Variants in ROBO2 observed in about 807,000 individuals in gnomAD.
ROBO2 encodes the protein roundabout guidance receptor 2, also known as roundabout homolog 2.
A neutral mutation model predicts 160.8 loss-of-function variants in ROBO2; 53 were observed. That is an observed-to-expected ratio of 0.33 (90% confidence interval 0.26 to 0.41). The LOEUF (loss-of-function observed/expected upper bound fraction) is 0.41. Among genes scored for constraint, ROBO2 ranks in the 10% least tolerant of loss-of-function variants. ROBO2 has a pLI of 1.00. For missense variants in ROBO2, 1,577 were observed against 1,722.4 expected (o/e 0.92, Z 1.49); for synonymous variants, 664 against 611.7 (o/e 1.09, Z -1.26).
At chr3:77,443,396 C>A (rs2080147241) in intron 2 of ROBO2, among the ~76,000 whole-genome samples, 16 of 151,838 alleles carry the variant, frequency 1.1e-4, no homozygotes. Flanking sequence ...GTGGCAACAT[C>A]ATTTACATAT....
At chr3:76,599,829 T>G (rs1490580216) in intron 2 of ROBO2, among the ~76,000 whole-genome samples, 1 of 152,234 alleles carries the variant, frequency 6.6e-6, no homozygotes, top group African/African-American at 2.4e-5. Flanking sequence ...CATATGCTTT[T>G]GGCCACATGT....
At chr3:77,586,969 C>G (rs1157981643) in intron 16 of ROBO2, among the ~76,000 whole-genome samples, 1 of 151,514 alleles carries the variant, frequency 6.6e-6, no homozygotes, top group Non-Finnish European at 1.5e-5. Context: ...ATACAAAAGA[C>G]CTTTCAGGAA....
chr3:76,789,640 C>T (rs1043067791), intron 2 of ROBO2, among the ~76,000 whole-genome samples: 1 of 151,578 alleles, frequency 6.6e-6, no homozygotes, highest in Non-Finnish European at 1.5e-5. Context: ...AGAAGCTGCC[C>T]AAGTTCATAA....
chr3:77,474,202 T>C (rs1398473787), intron 2 of ROBO2, among the ~76,000 whole-genome samples: 1 of 152,158 alleles, frequency 6.6e-6, no homozygotes, highest in African/African-American at 2.4e-5. Context: ...GGTTATTGAA[T>C]CCGCCTAAAA....
At chr3:77,512,441 G>A (rs945325743) in intron 5 of ROBO2, among the ~76,000 whole-genome samples, 1 of 151,930 alleles carries the variant, frequency 6.6e-6, no homozygotes, top group African/African-American at 2.4e-5. Context: ...ATAAATTTGT[G>A]AGTTACTAAA....
At chr3:77,515,109 C>T (rs1277924736) in intron 5 of ROBO2, among the ~76,000 whole-genome samples, 1 of 151,680 alleles carries the variant, frequency 6.6e-6, no homozygotes, top group African/African-American at 2.4e-5. Context: ...TAAAAATAGT[C>T]TTTATATTTC....
chr3:76,674,285 T>C (rs2106739539), intron 2 of ROBO2, among the ~76,000 whole-genome samples: 1 of 152,200 alleles, frequency 6.6e-6, no homozygotes, highest in African/African-American at 2.4e-5. Flanking sequence ...TATTTTGCCT[T>C]TCTTAAAATT....
intron 2 of ROBO2, among the ~76,000 whole-genome samples, chr3:76,848,513 C>G (rs907199105): frequency 1.3e-5 from 2 of 152,190 alleles, no homozygotes; most frequent in African/African-American, 4.8e-5. Context: ...CTGGATCTCT[C>G]TCTGTCAATT....
intron 2 of ROBO2, among the ~76,000 whole-genome samples, chr3:76,367,982 CATT>C (rs1355298211): frequency 6.6e-6 from 1 of 151,696 alleles, no homozygotes; most frequent in African/African-American, 2.4e-5. Flanking sequence ...ATGTTCTAAT[CATT>C]ATTCATTTTC....
intron 2 of ROBO2, among the ~76,000 whole-genome samples, chr3:77,103,626 T>C (rs1207968462): frequency 6.6e-6 from 1 of 152,198 alleles, no homozygotes; most frequent in Non-Finnish European, 1.5e-5. Context: ...TTTCTTTTTC[T>C]CTTATTTTTT....
intron 2 of ROBO2, among the ~76,000 whole-genome samples, chr3:76,629,568 T>C (rs2089897500): frequency 6.6e-6 from 1 of 152,178 alleles, no homozygotes. Context: ...GCTTTTATTC[T>C]GGCCATGCTG....
intron 2 of ROBO2, among the ~76,000 whole-genome samples, chr3:76,370,204 A>G (rs2076036641): frequency 6.6e-6 from 1 of 151,832 alleles, no homozygotes; most frequent in Non-Finnish European, 1.5e-5. Context: ...GAAACTTTGC[A>G]TTCCCTGGGG....
chr3:77,381,603 G>A (rs1045628955), intron 2 of ROBO2, among the ~76,000 whole-genome samples: 5 of 152,070 alleles, frequency 3.3e-5, no homozygotes, highest in African/African-American at 1.2e-4. Flanking sequence ...CAGTTCCCTT[G>A]AGGCATATAT....
chr3:77,370,527 C>T (rs909754514), intron 2 of ROBO2, among the ~76,000 whole-genome samples: 1 of 152,092 alleles, frequency 6.6e-6, no homozygotes, highest in African/African-American at 2.4e-5. Context: ...GGCAGCAGGT[C>T]GAGTGTATTG....
chr3:76,531,915 C>T (rs1470775367), intron 2 of ROBO2, among the ~76,000 whole-genome samples: 4 of 152,104 alleles, frequency 2.6e-5, no homozygotes, highest in African/African-American at 9.7e-5. Flanking sequence ...TCATAATACC[C>T]ACTTTTTAGA....
At chr3:76,633,764 AGAT>A (rs1387528324) in intron 2 of ROBO2, among the ~76,000 whole-genome samples, 1 of 152,226 alleles carries the variant, frequency 6.6e-6, no homozygotes, top group Non-Finnish European at 1.5e-5. Flanking sequence ...CCCACTTTAT[AGAT>A]GAGGAATTAA....
intron 2 of ROBO2, among the ~76,000 whole-genome samples, chr3:77,011,826 T>A (rs1342816718): frequency 6.6e-6 from 1 of 152,108 alleles, no homozygotes; most frequent in Non-Finnish European, 1.5e-5. Flanking sequence ...GACCTTTATT[T>A]TGAAATTTTA....
chr3:76,414,017 A>C (rs2075629684), intron 2 of ROBO2, among the ~76,000 whole-genome samples: 1 of 152,274 alleles, frequency 6.6e-6, no homozygotes, highest in Admixed American at 6.5e-5. Flanking sequence ...GGCACTTCTT[A>C]CCTGGTGGCA....
At chr3:77,049,963 A>G (rs564896198) in intron 1 of ROBO2, among the ~76,000 whole-genome samples, 1 of 152,346 alleles carries the variant, frequency 6.6e-6, no homozygotes, top group Middle Eastern at 3.4e-3. Context: ...GTTAAGAGTT[A>G]TTCATTATAA....
Sources: gnomAD v4.1 joint callset for allele counts (sites outside exome capture counted in the v4.1 genomes callset) on GRCh38, gnomAD v4.1.1 for gene constraint, MANE v1.5 for transcripts, NCBI Gene and HGNC (gene_info 2026-07-23, HGNC 2026-07-21) for gene names.